NIPSNAP1: variants seen among roughly 807,000 people sequenced by gnomAD.
The protein encoded by NIPSNAP1 is protein NipSnap homolog 1.
NIPSNAP1 carries 25 observed loss-of-function variants against 49.2 expected under a neutral mutation model. The ratio of observed to expected loss-of-function variants is 0.51; its 90% CI spans 0.37 to 0.71. The LOEUF is 0.71. NIPSNAP1 is among the 30% of genes least tolerant of loss of function. NIPSNAP1 has a pLI of 0.00. For missense variants in NIPSNAP1, 294 were observed against 361.0 expected, an observed-to-expected ratio of 0.81 and a Z score of 1.50; for synonymous variants, 143 against 140.7, an observed-to-expected ratio of 1.02 and a Z score of -0.12.
intron 1 of NIPSNAP1, among the ~76,000 whole-genome samples, chr22:29,574,759 ACAAG>A (rs1366466900): frequency 2.7e-5 from 4 of 149,588 alleles, no homozygotes; most frequent in African/African-American, 9.9e-5. Flanking sequence ...AGACTGGGCT[ACAAG>A]AGCGAAACTC....
At chr22:29,575,546 T>A (rs573605263) in intron 1 of NIPSNAP1, among the ~76,000 whole-genome samples, 2 of 152,302 alleles carry the variant, frequency 1.3e-5, no homozygotes, top group South Asian at 4.1e-4. Context: ...AATTACAATG[T>A]TCTCCTACCC....
At chr22:29,561,370 C>T in intron 6 of NIPSNAP1, 136 bp downstream of exon 6, 1 of 1,447,268 alleles carries the variant, frequency 6.9e-7, no homozygotes, top group East Asian at 2.3e-5. Flanking sequence ...TGTTTGCACA[C>T]ATGTGTATAC....
At chr22:29,570,879 AC>A (rs2064403243) in intron 1 of NIPSNAP1, among the ~76,000 whole-genome samples, 1 of 151,774 alleles carries the variant, frequency 6.6e-6, no homozygotes, top group African/African-American at 2.4e-5. Context: ...AAGAGGATCA[AC>A]CCCAAATCCA....
intron 1 of NIPSNAP1, among the ~76,000 whole-genome samples, chr22:29,576,434 T>C (rs887600809): frequency 2.0e-5 from 3 of 151,432 alleles, no homozygotes; most frequent in African/African-American, 7.4e-5. Flanking sequence ...TTGTTTATTG[T>C]CAGTCTCTAA....
At chr22:29,574,091 A>G (rs1184264354) in intron 1 of NIPSNAP1, among the ~76,000 whole-genome samples, 26 of 151,006 alleles carry the variant, frequency 1.7e-4, no homozygotes, top group Admixed American at 1.7e-3. Context: ...CCCCATTTCC[A>G]CTTAAAAAAA....
chr22:29,573,296 A>G (rs1284862928), intron 1 of NIPSNAP1, among the ~76,000 whole-genome samples: 1 of 152,050 alleles, frequency 6.6e-6, no homozygotes, highest in African/African-American at 2.4e-5. Context: ...CGGCCTCTCA[A>G]AGTGCTAGGA....
At chr22:29,572,164 G>A (rs1230827253) in intron 1 of NIPSNAP1, among the ~76,000 whole-genome samples, 1 of 151,840 alleles carries the variant, frequency 6.6e-6, no homozygotes, top group East Asian at 2.0e-4. Flanking sequence ...TCAGCCAGGC[G>A]TGGTGGTGTG....
At chr22:29,568,178 C>CAAAAA (rs33974680) in intron 4 of NIPSNAP1, among the ~76,000 whole-genome samples, 5 of 40,642 alleles carry the variant, frequency 1.2e-4, no homozygotes, top group Non-Finnish European at 1.6e-4. Context: ...GACCCTGTCT[C>CAAAAA]AAAAAAAAAA....
At chr22:29,566,175 T>A (rs958611779) in intron 4 of NIPSNAP1, among the ~76,000 whole-genome samples, 1 of 151,676 alleles carries the variant, frequency 6.6e-6, no homozygotes, top group African/African-American at 2.4e-5. Context: ...TTTTTTAATA[T>A]GTATTTTCTT....
chr22:29,569,742 G>A (rs2064393565), intron 3 of NIPSNAP1: 1 of 331,854 alleles, frequency 3.0e-6, no homozygotes, highest in Non-Finnish European at 5.8e-6. Flanking sequence ...TGTAATCCCA[G>A]CACTCGGAGG....
At chr22:29,577,051 T>G (rs1466606495) in intron 1 of NIPSNAP1, among the ~76,000 whole-genome samples, 1 of 151,258 alleles carries the variant, frequency 6.6e-6, no homozygotes, top group Non-Finnish European at 1.5e-5. Context: ...AATCCAGGTT[T>G]TGATCCTAGC....
At chr22:29,571,721 T>C (rs1258978640) in intron 1 of NIPSNAP1, among the ~76,000 whole-genome samples, 2 of 152,128 alleles carry the variant, frequency 1.3e-5, no homozygotes, top group Non-Finnish European at 2.9e-5. Context: ...TTCTTTTTTC[T>C]CTTTTGTTTT....
At chr22:29,575,208 C>T (rs1235943573) in intron 1 of NIPSNAP1, among the ~76,000 whole-genome samples, 1 of 152,122 alleles carries the variant, frequency 6.6e-6, no homozygotes, top group African/African-American at 2.4e-5. Flanking sequence ...AAGGACTAGA[C>T]AGAGTAATTT....
rs775577671 is a variant in NIPSNAP1, at chr22:29,569,181, T to TG, written c.367+11dup. 1.2e-6 allele frequency: 2 copies of TG among 1,611,684 alleles called. No individual in the cohort carries two copies. The highest frequency in any genetic ancestry group is 1.7e-6 in the Non-Finnish European group (2 of 1,178,608). On this transcript the variant is annotated intron_variant, in intron 4 of 9. Transcript: ENST00000216121. ...GGCAGTGGCAATGGCACTAGGGAGG[T>TG]GAGCGCCTTACCTGCCTGGTCCTGC...
chr22:29,559,147 A>G (rs2064316480), intron 8 of NIPSNAP1, among the ~76,000 whole-genome samples, 194 bp from the exon 9 acceptor site: 1 of 152,202 alleles, frequency 6.6e-6, no homozygotes, highest in Non-Finnish European at 1.5e-5. Flanking sequence ...TATTGCCTAC[A>G]TTTATATTTC....
intron 1 of NIPSNAP1, among the ~76,000 whole-genome samples, chr22:29,577,460 C>T (rs1376593706): frequency 6.6e-6 from 1 of 151,020 alleles, no homozygotes; most frequent in African/African-American, 2.5e-5. Context: ...GCTCTTGTTC[C>T]CCAGGCTGGA....
rs2064400690 is a variant in NIPSNAP1 at position 29,570,533 on chromosome 22, C to T, written c.99-1G>A. 6.2e-7 allele frequency: 1 copy of T among 1,613,126 alleles called. No homozygotes were observed. The highest frequency in any genetic ancestry group is 1.3e-5 in the African/African-American group (1 of 74,918). ...GCCTTCATTGTCCTTGGAATAGAAA[C>T]TGCAGGACAGAGGAGTTGAGGGGGA... On this transcript the variant is annotated splice_acceptor_variant, in intron 1 of 9. Transcript: ENST00000216121. LOFTEE classifies it high-confidence loss of function.
chr22:29,579,315 A>T (rs2064479664), intron 1 of NIPSNAP1, among the ~76,000 whole-genome samples: 2 of 52,590 alleles, frequency 3.8e-5, no homozygotes, highest in East Asian at 4.6e-4. Flanking sequence ...TTTTTTTTTG[A>T]GACAGAGTCT....
chr22:29,580,566 C>A (rs114837325), intron 1 of NIPSNAP1, among the ~76,000 whole-genome samples: 3,356 of 152,258 alleles, frequency 0.022, 140 homozygotes, highest in African/African-American at 0.076. Context: ...GCAGCCATGG[C>A]CCCTGGGGAT....
Sources: gnomAD v4.1 joint callset for allele counts (sites outside exome capture counted in the v4.1 genomes callset) on GRCh38, gnomAD v4.1.1 for gene constraint, MANE v1.5 for transcripts, NCBI Gene and HGNC (gene_info 2026-07-23, HGNC 2026-07-21) for gene names.